The following MCM2 variants were observed in gnomAD, a reference collection of about 807,000 sequenced individuals.
The protein encoded by MCM2 is minichromosome maintenance complex component 2, also known as DNA replication licensing factor MCM2.
MCM2 carries 49 observed loss-of-function variants against 86.4 expected under a neutral mutation model. That is an observed-to-expected ratio of 0.57 (90% CI 0.45 to 0.72). The LOEUF (loss-of-function observed/expected upper bound fraction) is 0.72, where lower values mean the gene tolerates loss of function less well. MCM2 is among the 30% of genes least tolerant of loss of function. The pLI, the probability that MCM2 is intolerant of heterozygous loss-of-function variation, is 0.00. For missense variants in MCM2, 1,038 were observed against 1,259.9 expected, an observed-to-expected ratio of 0.82 and a Z score of 2.67; for synonymous variants, 475 against 484.6, an observed-to-expected ratio of 0.98 and a Z score of 0.26.
At chr3:127,602,241 A>G (rs1235565151) in intron 2 of MCM2, among the ~76,000 whole-genome samples, 1 of 151,322 alleles carries the variant, frequency 6.6e-6, no homozygotes, top group Non-Finnish European at 1.5e-5. Flanking sequence ...TCCAGGGAGA[A>G]TGGGACCGAT....
Position 127,609,424 on chromosome 3 carries a change from G to A in MCM2, c.1428+401G>A, listed in dbSNP as rs78949565. ...GTCATGAGGGATTCCTAGGGATCCA[G>A]CTGTGGCCAACGGGAATTTCTTCAG... On this transcript the variant is annotated intron_variant, in intron 8 of 15. Coordinates refer to ENST00000265056, the MANE Select transcript of MCM2 (RefSeq NM_004526.4). Among the ~76,000 whole-genome samples, 62 of 152,314 alleles carry A rather than the reference G, an allele frequency of 4.1e-4. No individual in the cohort carries two copies. The East Asian group carries it at 9.6e-3, about 24-fold the overall frequency.
rs372340490 is a variant in MCM2 at position 127,617,372 on chromosome 3, C to G, written c.1867C>G (p.Arg623Gly). 1.2e-6 allele frequency: 2 copies of G among 1,614,050 alleles called. No individual in the cohort carries two copies. The highest frequency in any genetic ancestry group is 2.2e-5 in the East Asian group (1 of 44,872). ...TGGCATCGTCACCTCCCTGCAGGCT[C>G]GCTGCACGGTCATTGCTGCCGCCAA... ...KAGIVTSLQA[R>G]CTVIAAANPI... The change falls in exon 11 of 16, where the codon CGC becomes GGC. Residue 623 changes from arginine to glycine, a missense_variant. Physicochemically the swap from Arg to Gly is moderately radical, Grantham distance 125. Around this residue, in one of 4 missense-constraint regions of MCM2, gnomAD observed 336 missense variants for 425.7 expected, o/e 0.79. Coordinates refer to ENST00000265056, the MANE Select transcript of MCM2 (RefSeq NM_004526.4). The surrounding 1 kb of genome is among the most constrained non-coding windows in gnomAD (Gnocchi z 4.1).
chr3:127,602,162 C>CT (rs201744525), intron 2 of MCM2, among the ~76,000 whole-genome samples: 5,443 of 127,896 alleles, frequency 0.043, 233 homozygotes, highest in African/African-American at 0.1. Flanking sequence ...TCCAGTTTAA[C>CT]TTTTTTTTTT....
chr3:127,606,135 G>C lies in MCM2; in HGVS notation c.691G>C (p.Val231Leu). 6.2e-7 allele frequency: 1 copy of C among 1,614,180 alleles called. No individual in the cohort carries two copies. Among genetic ancestry groups the C allele is most frequent in the Non-Finnish European group, 8.5e-7 (1 of 1,180,016 alleles). The change falls in exon 5 of 16, where the codon GTG becomes CTG. Residue 231 changes from valine to leucine, a missense_variant. Coordinates refer to ENST00000265056, the MANE Select transcript of MCM2 (RefSeq NM_004526.4). The surrounding 1 kb of genome is among the most constrained non-coding windows in gnomAD (Gnocchi z 4.2). Reference sequence around the variant, plus strand: ...CCTTCTAGAGAACCGTGAGAGCCTGGTGGTGAACTATGAGGACTTGGCAGC... The same window carrying C: ...CCTTCTAGAGAACCGTGAGAGCCTGCTGGTGAACTATGAGGACTTGGCAGC... Reference protein sequence around the residue: ...DMCKENRESLVVNYEDLAARE... With the variant: ...DMCKENRESLLVNYEDLAARE...
intron 8 of MCM2, among the ~76,000 whole-genome samples, chr3:127,609,924 A>T (rs2074381390): frequency 7.2e-6 from 1 of 138,606 alleles, no homozygotes; most frequent in African/African-American, 2.7e-5. Context: ...AGCTCACTAC[A>T]GCCTCTGCCT....
chr3:127,602,269 A>G (rs2074311631), intron 2 of MCM2, among the ~76,000 whole-genome samples: 1 of 151,634 alleles, frequency 6.6e-6, no homozygotes, highest in Non-Finnish European at 1.5e-5. Flanking sequence ...CCCCGAAAAC[A>G]TGGAAGAAAT....
In MCM2 at chr3:127,618,216, C is replaced by A. The variant is rs1479113519; in HGVS notation, c.2013+135C>A. ...AGGCTGTTTTCTAGTCCTGTTCCCT[C>A]GGTCTCTTCTCATGTCCAGAAGTCG... On this transcript the variant is annotated intron_variant, in intron 12 of 15. Transcript: ENST00000265056. This position sits in a 1 kb window ranked among gnomAD's most constrained non-coding sequence, Gnocchi z 4.0. The A allele has an allele frequency of 1.0e-5, 7 of 692,346 alleles. No homozygotes were observed. Among genetic ancestry groups the A allele is most frequent in the Non-Finnish European group, 1.8e-5 (7 of 386,816 alleles). 42.9% of individuals were successfully genotyped at this position (692,346 alleles called of 1,614,324 possible).
Position 127,620,900 on chromosome 3 carries a change from G to A in MCM2, c.2448+20G>A. The A allele has an allele frequency of 1.3e-6, 2 of 1,586,560 alleles. No homozygotes were observed. Among genetic ancestry groups the A allele is most frequent in the South Asian group, 1.1e-5 (1 of 87,162 alleles). On this transcript the variant is annotated intron_variant, in intron 14 of 15. Transcript: ENST00000265056. ...CGCAAGGTGGGTGTGCTCCGAGGTA[G>A]GGGCCTGATGGGCAAGCTCAGTGAA...
intron 2 of MCM2, among the ~76,000 whole-genome samples, chr3:127,602,220 G>T (rs1425393014): frequency 7.7e-6 from 1 of 129,668 alleles, no homozygotes; most frequent in African/African-American, 3.0e-5. Context: ...GGCATTTTGT[G>T]TGACTTGAGA....
intron 8 of MCM2, among the ~76,000 whole-genome samples, chr3:127,611,703 T>G (rs961727977): frequency 8.2e-6 from 1 of 121,756 alleles, no homozygotes; most frequent in African/African-American, 3.5e-5. Flanking sequence ...TTTTTTTTTT[T>G]TTTTTTTTTT....
rs1377816204 is a variant in MCM2 at position 127,608,448 on chromosome 3, C to G, written c.1168C>G (p.Leu390Val). ...TCCAGGCAAAGTGGCGGCTGGCCGG[C>G]TGCCCCGCTCCAAGGACGCCATTCT... The part of the protein sequence containing the change: ...ESPGKVAAGR[L>V]PRSKDAILLA... The change falls in exon 7 of 16, where the codon CTG becomes GTG. Residue 390 changes from leucine to valine, a missense_variant. Coordinates refer to ENST00000265056, the MANE Select transcript of MCM2 (RefSeq NM_004526.4). 1 of 1,614,204 alleles carries G rather than the reference C, an allele frequency of 6.2e-7. No homozygotes were observed. The highest frequency in any genetic ancestry group is 8.5e-7 in the Non-Finnish European group (1 of 1,180,046).
At position 127,617,907 on chromosome 3, in the gene MCM2, G is replaced by C; in HGVS notation, c.1901-62G>C. On this transcript the variant is annotated intron_variant, in intron 11 of 15. Transcript: ENST00000265056. This position sits in a 1 kb window ranked among gnomAD's most constrained non-coding sequence, Gnocchi z 4.1. ...CCCCTTCTGCCATCAGAGCAGCCTG[G>C]GGTCCCTGAGATGGGAGGATAGGGG... 7.8e-7 allele frequency: 1 copy of C among 1,286,364 alleles called. No individual in the cohort carries two copies. The highest frequency in any genetic ancestry group is 1.1e-6 in the Non-Finnish European group (1 of 899,956). 79.7% of individuals were successfully genotyped at this position (1,286,364 alleles called of 1,614,324 possible).
chr3:127,603,628 G>A (rs2074322144), intron 2 of MCM2, among the ~76,000 whole-genome samples: 1 of 151,818 alleles, frequency 6.6e-6, no homozygotes, highest in Non-Finnish European at 1.5e-5. Context: ...TAGGACTATA[G>A]GCATGTGCCA....
At chr3:127,603,751 TC>T (rs992752086) in intron 2 of MCM2, among the ~76,000 whole-genome samples, 70 of 152,254 alleles carry the variant, frequency 4.6e-4, no homozygotes, top group African/African-American at 1.7e-3. Context: ...AACCTCTGCC[TC>T]CCGGGTTCAA....
At chr3:127,603,086 A>G (rs2074316590) in intron 2 of MCM2, among the ~76,000 whole-genome samples, 1 of 150,802 alleles carries the variant, frequency 6.6e-6, no homozygotes, top group African/African-American at 2.4e-5. Flanking sequence ...ATCTCGGCTC[A>G]CTGCAACCTC....
chr3:127,615,035 T>C (rs2074423209), intron 8 of MCM2, among the ~76,000 whole-genome samples: 1 of 152,180 alleles, frequency 6.6e-6, no homozygotes, highest in Non-Finnish European at 1.5e-5. Flanking sequence ...AGGCAGGACA[T>C]ACAGGATGCA....
chr3:127,612,287 T>G (rs1246575148), intron 8 of MCM2, among the ~76,000 whole-genome samples: 2 of 152,222 alleles, frequency 1.3e-5, no homozygotes, highest in Non-Finnish European at 2.9e-5. Context: ...ATCAGGGTCA[T>G]GCCCAACACT....
intron 8 of MCM2, among the ~76,000 whole-genome samples, chr3:127,609,824 CTCAG>C (rs2074380036): frequency 7.0e-6 from 1 of 142,942 alleles, no homozygotes; most frequent in South Asian, 2.3e-4. Flanking sequence ...TCCTCTGTTT[CTCAG>C]TCAACTTCCT....
Position 127,618,904 on chromosome 3 carries a change from T to A in MCM2, c.2014-123T>A. ...CCAGAACTGCCTGGCACATGGTCAG[T>A]GTAGTCAGTCTTGTTGAAAGAGTGT... On this transcript the variant is annotated intron_variant, in intron 12 of 15. Transcript: ENST00000265056. This position sits in a 1 kb window ranked among gnomAD's most constrained non-coding sequence, Gnocchi z 4.0. 1 of 1,146,282 alleles carries A rather than the reference T, an allele frequency of 8.7e-7. No individual in the cohort carries two copies. The highest frequency in any genetic ancestry group is 1.2e-6 in the Non-Finnish European group (1 of 833,698). The allele number at this position is 1,146,282 out of a possible 1,614,324, so 71.0% of individuals were successfully genotyped here. A position where few individuals can be genotyped will look rare whatever the true frequency, so the allele number is the denominator to read the frequency against.
Sources: gnomAD v4.1 joint callset for allele counts (sites outside exome capture counted in the v4.1 genomes callset) on GRCh38, gnomAD v4.1.1 for gene constraint, gnomAD v4.1.1 regional missense constraint, Gnocchi (gnomAD v3.1) non-coding constraint, MANE v1.5 for transcripts, NCBI Gene and HGNC (gene_info 2026-07-23, HGNC 2026-07-21) for gene names.